ZFHX3: variants seen among roughly 807,000 people sequenced by gnomAD.
ZFHX3 encodes the protein zinc finger homeobox protein 3.
A neutral mutation model predicts 279.1 loss-of-function variants in ZFHX3; 42 were observed. That is an observed-to-expected ratio of 0.15 (90% CI 0.12 to 0.19). ZFHX3 has a LOEUF of 0.19. Ranked by LOEUF, ZFHX3 falls within the 10% of genes least tolerant of loss-of-function variation. The pLI, the probability that ZFHX3 is intolerant of heterozygous loss-of-function variation, is 1.00. For missense variants in ZFHX3, 4,981 were observed against 4,754.0 expected (o/e 1.05, Z -1.40); for synonymous variants, 2,293 against 1,957.8 (o/e 1.17, Z -4.52).
intron 8 of ZFHX3, among the ~76,000 whole-genome samples, chr16:73,090,406 A>T (rs1197193882): frequency 2.0e-5 from 3 of 152,242 alleles, no homozygotes; most frequent in Non-Finnish European, 4.4e-5. Flanking sequence ...GTAAATAAAT[A>T]AATAAAGTAC....
intron 4 of ZFHX3, among the ~76,000 whole-genome samples, chr16:72,874,524 T>C (rs2038256805): frequency 1.3e-5 from 2 of 151,898 alleles, no homozygotes; most frequent in Admixed American, 1.3e-4. Context: ...CTTTAGACCA[T>C]GAGGAGGCAA....
intron 4 of ZFHX3, among the ~76,000 whole-genome samples, chr16:73,284,997 C>T (rs758658493): frequency 3.9e-5 from 6 of 152,288 alleles, no homozygotes; most frequent in Middle Eastern, 3.4e-3. Flanking sequence ...TGCACCAGCA[C>T]GCCTGGCTAA....
intron 3 of ZFHX3, among the ~76,000 whole-genome samples, chr16:73,323,989 C>A (rs2015630427): frequency 6.6e-6 from 1 of 152,200 alleles, no homozygotes; most frequent in African/African-American, 2.4e-5. Context: ...ACTGTGATAA[C>A]ACCTCCTGGC....
Position 72,787,406 on chromosome 16 carries a change from C to T in ZFHX3, c.10870G>A (p.Ala3624Thr), listed in dbSNP as rs1434854791. 1 of 1,602,046 alleles carries T rather than the reference C, an allele frequency of 6.2e-7. No homozygotes were observed. The highest frequency in any genetic ancestry group is 1.3e-5 in the African/African-American group (1 of 74,264). ...AAAGAAGGGGGCTTCGCTGCCGAAG[C>T]CCGGGAGACCACTTGCGGCCAAGAC... ...RKSWPQVVSR[A>T]SAAKPPSFPP... Residue 3624 changes from alanine (A) to threonine (T), a missense_variant, in exon 10 of 10, where the codon GCT becomes ACT. Ala to Thr is a moderately conservative substitution (Grantham distance 58). Around this residue, in one of 7 missense-constraint regions of ZFHX3, gnomAD observed 1,034 missense variants for 786.0 expected, o/e 1.32. Transcript: ENST00000268489.
chr16:72,864,793 T>A (rs982204218), intron 4 of ZFHX3, among the ~76,000 whole-genome samples: 1 of 152,196 alleles, frequency 6.6e-6, no homozygotes, highest in African/African-American at 2.4e-5. Context: ...CCATCAATCA[T>A]CTACATAGCA....
chr16:73,719,256 T>C (rs1310020376), intron 1 of ZFHX3, among the ~76,000 whole-genome samples: 2 of 152,168 alleles, frequency 1.3e-5, no homozygotes, highest in African/African-American at 4.8e-5. Context: ...AGAATCTATG[T>C]TTTGGCAAAG....
At chr16:73,047,581 ATT>A (rs1965344244) in intron 1 of ZFHX3, among the ~76,000 whole-genome samples, 169 bp downstream of exon 1, 1 of 152,182 alleles carries the variant, frequency 6.6e-6, no homozygotes. Flanking sequence ...GCCCAGCAGA[ATT>A]TAGGCGCTCT....
At chr16:73,440,837 A>G (rs1398354070) in intron 3 of ZFHX3, among the ~76,000 whole-genome samples, 1 of 152,178 alleles carries the variant, frequency 6.6e-6, no homozygotes, top group Non-Finnish European at 1.5e-5. Context: ...CTGTTTTCCT[A>G]TCATCTGCCC....
chr16:73,593,256 T>A (rs1043834883), intron 2 of ZFHX3, among the ~76,000 whole-genome samples: 1 of 151,678 alleles, frequency 6.6e-6, no homozygotes, highest in Non-Finnish European at 1.5e-5. Context: ...AAGGGAACAG[T>A]CTCCAACAGA....
intron 7 of ZFHX3, among the ~76,000 whole-genome samples, chr16:73,129,936 A>T (rs1292830675): frequency 2.0e-5 from 3 of 152,190 alleles, no homozygotes; most frequent in African/African-American, 7.2e-5. Flanking sequence ...TTAAGGCAAA[A>T]GCAGGAAAAC....
chr16:73,835,245 G>T (rs1961106820), intron 1 of ZFHX3, among the ~76,000 whole-genome samples: 1 of 152,104 alleles, frequency 6.6e-6, no homozygotes, highest in Non-Finnish European at 1.5e-5. Context: ...TTTTCTAAGA[G>T]ACCTAGGATG....
intron 3 of ZFHX3, among the ~76,000 whole-genome samples, chr16:72,927,585 C>T (rs1290937184): frequency 6.6e-6 from 1 of 152,190 alleles, no homozygotes; most frequent in East Asian, 1.9e-4. Flanking sequence ...GACTCAAAGG[C>T]AGTGGCCTTC....
chr16:72,913,820 T>A (rs1191415390), intron 3 of ZFHX3, among the ~76,000 whole-genome samples: 2 of 152,190 alleles, frequency 1.3e-5, no homozygotes, highest in African/African-American at 2.4e-5. Flanking sequence ...GAGTTTGTTG[T>A]CTTTGTTTTG....
At chr16:73,241,920 G>A (rs1295327069) in intron 5 of ZFHX3, among the ~76,000 whole-genome samples, 1 of 151,264 alleles carries the variant, frequency 6.6e-6, no homozygotes, top group East Asian at 2.0e-4. Context: ...ATCCTAAAAC[G>A]TTGAGTGACC....
At chr16:73,177,537 A>T (rs1967692163) in intron 5 of ZFHX3, among the ~76,000 whole-genome samples, 1 of 152,230 alleles carries the variant, frequency 6.6e-6, no homozygotes, top group Non-Finnish European at 1.5e-5. Context: ...TACTTTAAAG[A>T]TGGGAAGAAC....
intron 1 of ZFHX3, among the ~76,000 whole-genome samples, chr16:73,707,241 G>T (rs2053313678): frequency 6.6e-6 from 1 of 152,064 alleles, no homozygotes; most frequent in Admixed American, 6.6e-5. Context: ...CCTTTACTTG[G>T]AGCCAAGCAA....
At chr16:73,547,384 C>G (rs1274223875) in intron 2 of ZFHX3, among the ~76,000 whole-genome samples, 1 of 152,200 alleles carries the variant, frequency 6.6e-6, no homozygotes, top group East Asian at 1.9e-4. Context: ...AATCCTACTT[C>G]ATTCCTTTTG....
intron 4 of ZFHX3, among the ~76,000 whole-genome samples, chr16:72,854,607 T>C (rs2037702742): frequency 6.6e-6 from 1 of 151,776 alleles, no homozygotes; most frequent in Non-Finnish European, 1.5e-5. Context: ...TCCCAAACAA[T>C]AAGGGGGGAG....
At chr16:73,521,220 T>C (rs1017904475) in intron 2 of ZFHX3, among the ~76,000 whole-genome samples, 8 of 152,338 alleles carry the variant, frequency 5.3e-5, no homozygotes, top group African/African-American at 1.9e-4. Flanking sequence ...AGAGCTCAGA[T>C]GTTCAAAAGG....
Sources: gnomAD v4.1 joint callset for allele counts (sites outside exome capture counted in the v4.1 genomes callset) on GRCh38, gnomAD v4.1.1 for gene constraint, gnomAD v4.1.1 regional missense constraint, MANE v1.5 for transcripts, NCBI Gene and HGNC (gene_info 2026-07-23, HGNC 2026-07-21) for gene names.